The following LINGO2 variants were observed in gnomAD, a reference collection of about 807,000 sequenced individuals.
LINGO2 encodes the protein leucine-rich repeat and immunoglobulin-like domain-containing nogo receptor-interacting protein 2.
A neutral mutation model predicts 30.6 loss-of-function variants in LINGO2; 14 were observed. The observed-to-expected ratio is 0.46, with a 90% CI of 0.30 to 0.72. LINGO2 has a LOEUF of 0.72. Ranked by LOEUF, LINGO2 falls within the 30% of genes least tolerant of loss-of-function variation. The pLI, the probability that LINGO2 is intolerant of heterozygous loss-of-function variation, is 0.07. For synonymous variants in LINGO2, 317 were observed against 288.5 expected, an observed-to-expected ratio of 1.10 and a Z score of -1.00; for missense variants, 729 against 751.7, an observed-to-expected ratio of 0.97 and a Z score of 0.35.
chr9:28,926,932 C>T, the LINGO2 span, among the ~76,000 whole-genome samples: 2 of 152,190 alleles, frequency 1.3e-5, no homozygotes, highest in African/African-American at 4.8e-5. Flanking sequence ...ACTGAGAACT[C>T]TTTACTTACT....
chr9:29,127,763 T>A, the LINGO2 span, among the ~76,000 whole-genome samples: 1 of 152,122 alleles, frequency 6.6e-6, no homozygotes, highest in Non-Finnish European at 1.5e-5. Context: ...GGGGAAGGAC[T>A]CTTTTCTGTC....
chr9:29,029,872 T>C, the LINGO2 span, among the ~76,000 whole-genome samples: 2 of 151,928 alleles, frequency 1.3e-5, no homozygotes, highest in South Asian at 4.1e-4. Flanking sequence ...AGTTTTTTTT[T>C]TTCTGAAAAA....
At chr9:27,948,639 A>T in exon 6 of LINGO2, 1 of 547,316 alleles carries the variant, frequency 1.8e-6, no homozygotes, top group Non-Finnish European at 3.2e-6. Flanking sequence ...GCAAACACTT[A>T]GTATCCCACT....
At chr9:28,853,919 C>T in the LINGO2 span, among the ~76,000 whole-genome samples, 3 of 151,846 alleles carry the variant, frequency 2.0e-5, no homozygotes, top group African/African-American at 7.3e-5. Flanking sequence ...AACTAAGCCA[C>T]AATTTCCTCT....
chr9:29,165,628 A>G, the LINGO2 span, among the ~76,000 whole-genome samples: 4 of 152,172 alleles, frequency 2.6e-5, no homozygotes, highest in Non-Finnish European at 5.9e-5. Flanking sequence ...ACTATAAAAT[A>G]GGAGAAGAAA....
chr9:28,701,242 T>A, the LINGO2 span, among the ~76,000 whole-genome samples: 3 of 152,056 alleles, frequency 2.0e-5, no homozygotes, highest in African/African-American at 7.2e-5. Context: ...TACCCAATTA[T>A]ATATAAATGA....
the LINGO2 span, among the ~76,000 whole-genome samples, chr9:28,713,702 G>C: frequency 6.6e-6 from 1 of 152,108 alleles, no homozygotes; most frequent in Non-Finnish European, 1.5e-5. Context: ...AGGAACAGCA[G>C]AGAACATCTC....
chr9:28,862,020 C>A, the LINGO2 span, among the ~76,000 whole-genome samples: 11 of 152,102 alleles, frequency 7.2e-5, no homozygotes, highest in Admixed American at 2.0e-4. Context: ...AGCAGTTCTA[C>A]ATATTATCAT....
At chr9:28,467,121 G>T (rs778000855) in intron 2 of LINGO2, among the ~76,000 whole-genome samples, 2 of 151,888 alleles carry the variant, frequency 1.3e-5, no homozygotes, top group Non-Finnish European at 2.9e-5. Context: ...CGCCTCCTGG[G>T]TTCACGCCAT....
chr9:27,948,845 G>A, exon 6 of LINGO2: 1 of 1,601,166 alleles, frequency 6.2e-7, no homozygotes, highest in Non-Finnish European at 8.5e-7. Flanking sequence ...TGTGAGGGGT[G>A]GGCCTTCAAA....
chr9:28,224,131 C>G (rs1042078336), intron 4 of LINGO2, among the ~76,000 whole-genome samples: 16 of 152,276 alleles, frequency 1.1e-4, no homozygotes, highest in Non-Finnish European at 1.5e-4. Context: ...GTGGTGCCAT[C>G]TCGGCTCACT....
chr9:28,006,929 AT>A (rs60865960), intron 5 of LINGO2, among the ~76,000 whole-genome samples: 100,245 of 151,360 alleles, frequency 0.66, 34,788 homozygotes, highest in Admixed American at 0.79. Context: ...AATTCATTTT[AT>A]CTATTCATGT....
intron 3 of LINGO2, among the ~76,000 whole-genome samples, chr9:28,297,313 C>A (rs892439455): frequency 6.6e-6 from 1 of 152,074 alleles, no homozygotes; most frequent in African/African-American, 2.4e-5. Context: ...TGTGTATTTT[C>A]TTTTCAGCAG....
intron 4 of LINGO2, among the ~76,000 whole-genome samples, chr9:28,238,718 A>C (rs1821668519): frequency 6.6e-6 from 1 of 152,128 alleles, no homozygotes; most frequent in Non-Finnish European, 1.5e-5. Flanking sequence ...AGGTAACTTA[A>C]TGATGCATCT....
chr9:28,639,333 G>C (rs947080664), intron 1 of LINGO2, among the ~76,000 whole-genome samples: 3 of 152,124 alleles, frequency 2.0e-5, no homozygotes, highest in African/African-American at 7.2e-5. Flanking sequence ...ATGTCTATTA[G>C]GTGCGCTTGG....
At chr9:28,057,579 A>ATATAAG (rs1824991553) in intron 4 of LINGO2, among the ~76,000 whole-genome samples, 1 of 21,648 alleles carries the variant, frequency 4.6e-5, no homozygotes, top group Non-Finnish European at 1.3e-4. Flanking sequence ...ATATATACAC[A>ATATAAG]TATATGTATA....
the LINGO2 span, among the ~76,000 whole-genome samples, chr9:28,771,492 TGTGTGTGTGTGTGTGAGA>T: frequency 7.8e-5 from 10 of 127,440 alleles, no homozygotes; most frequent in South Asian, 2.5e-4. Context: ...TGTGTGTGTG[TGTGTGTGTGTGTGTGAGA>T]GAGAGAGAGA....
chr9:28,782,702 T>A, the LINGO2 span, among the ~76,000 whole-genome samples: 4 of 152,202 alleles, frequency 2.6e-5, no homozygotes, highest in African/African-American at 7.2e-5. Context: ...TCTTTGAAAG[T>A]CATCCTAGCA....
chr9:28,109,035 AG>A (rs1239552024), intron 4 of LINGO2, among the ~76,000 whole-genome samples: 1 of 152,204 alleles, frequency 6.6e-6, no homozygotes, highest in African/African-American at 2.4e-5. Context: ...CACATCAAAA[AG>A]CTTATCCACC....
Sources: allele counts gnomAD v4.1 joint callset (sites outside exome capture counted in the v4.1 genomes callset), GRCh38; gene constraint gnomAD v4.1.1; transcripts MANE v1.5; gene names NCBI Gene and HGNC (gene_info 2026-07-23, HGNC 2026-07-21).